The following GRID1 variants were observed in gnomAD, a reference collection of about 807,000 sequenced individuals.
GRID1 encodes the protein glutamate receptor ionotropic, delta-1.
GRID1 carries 28 observed loss-of-function variants against 98.0 expected under a neutral mutation model. That is an observed-to-expected ratio of 0.29 (90% confidence interval 0.21 to 0.39). The LOEUF (loss-of-function observed/expected upper bound fraction) is 0.39. Among genes scored for constraint, GRID1 ranks in the 10% least tolerant of loss-of-function variants. The pLI is 1.00. For missense variants in GRID1, 1,111 were observed against 1,340.5 expected, an observed-to-expected ratio of 0.83 and a Z score of 2.67; for synonymous variants, 553 against 538.5, an observed-to-expected ratio of 1.03 and a Z score of -0.37.
intron 15 of GRID1, among the ~76,000 whole-genome samples, chr10:85,604,797 T>C (rs1842638253): frequency 6.6e-6 from 1 of 152,344 alleles, no homozygotes; most frequent in Non-Finnish European, 1.5e-5. Context: ...AAGACTACTT[T>C]AGGAATATTT....
intron 4 of GRID1, among the ~76,000 whole-genome samples, chr10:85,979,096 G>A (rs1842510863): frequency 6.6e-6 from 1 of 152,132 alleles, no homozygotes; most frequent in Non-Finnish European, 1.5e-5. Context: ...TAAAGGCCAA[G>A]GACATAGCTT....
chr10:85,814,468 GA>G (rs2131746398), intron 8 of GRID1, among the ~76,000 whole-genome samples: 1 of 151,932 alleles, frequency 6.6e-6, no homozygotes, highest in African/African-American at 2.4e-5. Context: ...GTTAAAAACA[GA>G]AAAACAACAG....
chr10:86,217,564 A>C (rs1351628441), intron 2 of GRID1, among the ~76,000 whole-genome samples: 1 of 152,158 alleles, frequency 6.6e-6, no homozygotes, highest in Non-Finnish European at 1.5e-5. Flanking sequence ...TGTTGAGCAG[A>C]AAAGCTCTTG....
chr10:86,366,554 GC>G lies in GRID1; in HGVS notation c.-163del. 6.9e-6 allele frequency: 2 copies of G among 291,560 alleles called. No individual in the cohort carries two copies. Among genetic ancestry groups the G allele is most frequent in the Non-Finnish European group, 1.2e-5 (2 of 164,540 alleles). The allele number at this position is 291,560 out of a possible 1,614,324, so 18.1% of individuals were successfully genotyped here. A position where few individuals can be genotyped will look rare whatever the true frequency, so the allele number is the denominator to read the frequency against. The stretch of plus-strand genomic sequence containing the variant: ...GCGCCCGCCCCTGCGCCCTGCGCCC[GC>G]CCCAGCCCAGCCCAGCCCAGCCCAG... On this transcript the variant is annotated 5_prime_UTR_variant, in exon 1 of 16. Transcript: ENST00000327946. This position sits in a 1 kb window ranked among gnomAD's most constrained non-coding sequence, Gnocchi z 4.1.
chr10:85,635,407 C>A (rs113509968), intron 13 of GRID1, among the ~76,000 whole-genome samples: 2,717 of 152,192 alleles, frequency 0.018, 57 homozygotes, highest in African/African-American at 0.055. Context: ...GGGCAGAGGA[C>A]CCCCTGCCCT....
chr10:86,132,948 A>T (rs1401934124), intron 4 of GRID1, among the ~76,000 whole-genome samples: 1 of 152,160 alleles, frequency 6.6e-6, no homozygotes, highest in Non-Finnish European at 1.5e-5. Context: ...CTGGATGAAA[A>T]GTGACATCTT....
In GRID1 at chr10:85,796,959, C is replaced by T. The variant is rs1263509623; in HGVS notation, c.1233+57537G>A. On this transcript the variant is annotated intron_variant, in intron 8 of 15. Coordinates refer to ENST00000327946, the MANE Select transcript of GRID1 (RefSeq NM_017551.3). ...TAGAAAGACTTTGTGATAAAGTATC[C>T]AAATAAGAAAAGAAACAAACCTAAC... Among the ~76,000 whole-genome samples the T allele has an allele frequency of 7.2e-5, 11 of 152,072 alleles. No homozygotes were observed. The East Asian group carries it at 1.4e-3, about 19-fold the overall frequency.
intron 2 of GRID1, among the ~76,000 whole-genome samples, chr10:86,294,956 C>G (rs1471750576): frequency 1.3e-5 from 2 of 152,152 alleles, no homozygotes; most frequent in Middle Eastern, 3.2e-3. Flanking sequence ...GCCCGGGGAA[C>G]AGTGGGGGCG....
chr10:85,867,100 C>T (rs1843228366), intron 6 of GRID1, among the ~76,000 whole-genome samples: 1 of 152,164 alleles, frequency 6.6e-6, no homozygotes, highest in African/African-American at 2.4e-5. Context: ...TTTCTCTCTC[C>T]TCCAGTGAAA....
intron 2 of GRID1, among the ~76,000 whole-genome samples, chr10:86,216,823 G>A (rs565086213): frequency 7.9e-4 from 121 of 152,294 alleles, no homozygotes; most frequent in Non-Finnish European, 1.4e-3. Flanking sequence ...GCTCTCTGAG[G>A]AGCTCGGCTA....
intron 8 of GRID1, among the ~76,000 whole-genome samples, chr10:85,821,102 A>G (rs544368083): frequency 3.3e-5 from 5 of 152,276 alleles, no homozygotes; most frequent in African/African-American, 9.6e-5. Flanking sequence ...AGACCTCTTA[A>G]CAAACATTAA....
chr10:86,276,556 G>A lies in GRID1; in HGVS notation c.236-69908C>T, dbSNP rs550549392. 1.1e-4 allele frequency among the ~76,000 whole-genome samples: 16 copies of A among 150,564 alleles called. 1 individual carries two copies. Among genetic ancestry groups the A allele is most frequent in the Middle Eastern group, 3.4e-3 (1 of 294 alleles). On this transcript the variant is annotated intron_variant, in intron 2 of 15. Coordinates refer to ENST00000327946, the MANE Select transcript of GRID1 (RefSeq NM_017551.3). ...CTCACTTTGTCACCCAGGCTGGAGC[G>A]CAGTGGCACAATCTTAGCTCACTGC... is the stretch of plus-strand genomic sequence containing the variant.
intron 4 of GRID1, among the ~76,000 whole-genome samples, chr10:86,116,027 T>C (rs1378991205): frequency 6.6e-6 from 1 of 152,218 alleles, no homozygotes; most frequent in African/African-American, 2.4e-5. Context: ...CGATAGGCTG[T>C]ACCATAAAGC....
At chr10:85,982,422 C>A (rs560572935) in intron 4 of GRID1, among the ~76,000 whole-genome samples, 1 of 152,120 alleles carries the variant, frequency 6.6e-6, no homozygotes, top group Admixed American at 6.5e-5. Context: ...AGGATTAGAC[C>A]AGGTGCTATA....
intron 2 of GRID1, among the ~76,000 whole-genome samples, chr10:86,253,410 T>C (rs1846867481): frequency 6.6e-6 from 1 of 152,254 alleles, no homozygotes; most frequent in Non-Finnish European, 1.5e-5. Context: ...CATTGAAATG[T>C]GCCTCCTGAA....
chr10:85,999,786 ACTC>A (rs1026811212), intron 4 of GRID1, among the ~76,000 whole-genome samples: 2 of 152,132 alleles, frequency 1.3e-5, no homozygotes, highest in African/African-American at 4.8e-5. Context: ...CACAATAAAA[ACTC>A]CTTGCAAACC....
intron 3 of GRID1, among the ~76,000 whole-genome samples, chr10:86,144,300 C>CTG (rs1845053895): frequency 6.6e-6 from 1 of 152,142 alleles, no homozygotes; most frequent in Non-Finnish European, 1.5e-5. Context: ...CTAGGAAGAA[C>CTG]ATTCCAGGAG....
At chr10:85,795,391 C>A (rs575539365) in intron 8 of GRID1, among the ~76,000 whole-genome samples, 1 of 152,144 alleles carries the variant, frequency 6.6e-6, no homozygotes, top group Non-Finnish European at 1.5e-5. Flanking sequence ...TCTTACAAGA[C>A]GCACCTCAGA....
intron 8 of GRID1, among the ~76,000 whole-genome samples, chr10:85,836,510 A>G (rs1329117348): frequency 6.6e-6 from 1 of 152,214 alleles, no homozygotes; most frequent in Non-Finnish European, 1.5e-5. Flanking sequence ...CACTCTCACC[A>G]CAGGCCTCTG....
Sources: allele counts gnomAD v4.1 joint callset (sites outside exome capture counted in the v4.1 genomes callset), GRCh38; gene constraint gnomAD v4.1.1; non-coding constraint Gnocchi (gnomAD v3.1); transcripts MANE v1.5; gene names NCBI Gene and HGNC (gene_info 2026-07-23, HGNC 2026-07-21).